CACNA1C: variants seen among roughly 807,000 people sequenced by gnomAD.
The protein encoded by CACNA1C is calcium voltage-gated channel subunit alpha1 C.
In CACNA1C, 30 loss-of-function variants were observed where a neutral mutation model predicts 229.0. That is an observed-to-expected ratio of 0.13 (90% CI 0.10 to 0.18). The LOEUF (loss-of-function observed/expected upper bound fraction) is 0.18. CACNA1C is among the 10% of genes least tolerant of loss of function. The pLI, the probability that CACNA1C is intolerant of heterozygous loss-of-function variation, is 1.00. For synonymous variants in CACNA1C, 1,114 were observed against 1,132.5 expected (o/e 0.98, Z 0.33); for missense variants, 1,658 against 2,845.0 (o/e 0.58, Z 9.49).
At chr12:1,998,078 G>A in intron 1 of CACNA1C, 1 of 943,702 alleles carries the variant, frequency 1.1e-6, no homozygotes, top group Non-Finnish European at 1.6e-6. Flanking sequence ...AACTTCAATG[G>A]GCCAAATATA....
At chr12:2,341,511 C>T (rs564653991) in intron 3 of CACNA1C, among the ~76,000 whole-genome samples, 34 of 152,184 alleles carry the variant, frequency 2.2e-4, no homozygotes, top group Non-Finnish European at 4.1e-4. Flanking sequence ...GCGGGCCCTG[C>T]GTTTCACACA....
intron 7 of CACNA1C, among the ~76,000 whole-genome samples, chr12:2,496,657 C>G (rs965662526): frequency 6.6e-6 from 1 of 152,156 alleles, no homozygotes; most frequent in African/African-American, 2.4e-5. Flanking sequence ...CAGACTTGGT[C>G]GAGTAATACT....
At chr12:2,636,217 C>T (rs2092643416) in intron 30 of CACNA1C, among the ~76,000 whole-genome samples, 1 of 152,180 alleles carries the variant, frequency 6.6e-6, no homozygotes, top group African/African-American at 2.4e-5. Context: ...CCGAGAGCCC[C>T]ACAGCAGGAA....
At chr12:2,002,891 C>T (rs1317663050) in intron 1 of CACNA1C, among the ~76,000 whole-genome samples, 1 of 152,022 alleles carries the variant, frequency 6.6e-6, no homozygotes, top group Non-Finnish European at 1.5e-5. Context: ...ACGAAGGTGA[C>T]ACCTCGAAAA....
intron 8 of CACNA1C, among the ~76,000 whole-genome samples, chr12:2,508,446 T>A (rs779392973): frequency 1.6e-4 from 25 of 152,206 alleles, no homozygotes; most frequent in Non-Finnish European, 2.6e-4. Context: ...AGCTAGGAGT[T>A]TGAGATCAGC....
intron 1 of CACNA1C, among the ~76,000 whole-genome samples, chr12:1,998,300 A>G (rs1252972771): frequency 1.3e-5 from 2 of 152,260 alleles, no homozygotes; most frequent in African/African-American, 4.8e-5. Context: ...ATTAGAAAGA[A>G]GAGTGCTGCC....
chr12:2,683,617 G>GC, intron 43 of CACNA1C, among the ~76,000 whole-genome samples: 1 of 152,238 alleles, frequency 6.6e-6, no homozygotes, highest in Non-Finnish European at 1.5e-5. Context: ...CTTGCGTGCA[G>GC]CCACTTGAAA....
intron 3 of CACNA1C, among the ~76,000 whole-genome samples, chr12:2,164,510 G>A (rs948242013): frequency 6.6e-6 from 1 of 152,226 alleles, no homozygotes; most frequent in African/African-American, 2.4e-5. Flanking sequence ...CCGAAGAGAT[G>A]CTCATTGCCT....
chr12:2,258,886 TAAA>T (rs1248832631), intron 3 of CACNA1C, among the ~76,000 whole-genome samples: 2 of 152,210 alleles, frequency 1.3e-5, no homozygotes, highest in Non-Finnish European at 2.9e-5. Flanking sequence ...AAATCTCCCT[TAAA>T]AAGTAATCCA....
chr12:2,477,330 A>T (rs905228927), intron 5 of CACNA1C, among the ~76,000 whole-genome samples: 9 of 152,218 alleles, frequency 5.9e-5, no homozygotes, highest in Admixed American at 2.6e-4. Context: ...CTAGTGAGTT[A>T]TAGTAAGAGG....
intron 45 of CACNA1C, among the ~76,000 whole-genome samples, chr12:2,686,789 G>A (rs1244860119): frequency 6.6e-6 from 1 of 152,176 alleles, no homozygotes; most frequent in Non-Finnish European, 1.5e-5. Flanking sequence ...AATGTCTCTT[G>A]GCATGGCTGA....
intron 3 of CACNA1C, among the ~76,000 whole-genome samples, chr12:2,318,790 G>A (rs1247985284): frequency 6.6e-6 from 1 of 151,816 alleles, no homozygotes; most frequent in Non-Finnish European, 1.5e-5. Context: ...TGGGAAATAG[G>A]GCAGGGAGAC....
chr12:2,679,312 G>T lies in CACNA1C; in HGVS notation c.5092-132G>T, dbSNP rs1307566001. 5 of 649,804 alleles carry T rather than the reference G, an allele frequency of 7.7e-6. No individual in the cohort carries two copies. Among genetic ancestry groups the T allele is most frequent in the Non-Finnish European group, 1.3e-5 (5 of 385,184 alleles). 40.3% of individuals were successfully genotyped at this position (649,804 alleles called of 1,614,324 possible). A position where few individuals can be genotyped will look rare whatever the true frequency, so the allele number is the denominator to read the frequency against. On this transcript the variant is annotated intron_variant, in intron 41 of 46. Transcript: ENST00000399655. This position sits in a 1 kb window ranked among gnomAD's most constrained non-coding sequence, Gnocchi z 5.5. ...TCAGGTGCTCCTGGCTCCCAGCAGG[G>T]CTGTGCCTACCCGAAAGAAGGCAGC...
rs7963694 is a variant in CACNA1C, at chr12:2,096,237, G to A, written c.50-18987G>A. ...AAGGTGAGTCTGGTTTTACTCAGTT[G>A]TGAAGGCATGTTTGTGCATGTGCAC... On this transcript the variant is annotated intron_variant, in intron 1 of 46. Transcript: ENST00000399655. 5.9e-3 allele frequency among the ~76,000 whole-genome samples: 901 copies of A among 152,358 alleles called. 10 individuals are homozygous for A. The highest frequency in any genetic ancestry group is 0.02 in the African/African-American group (845 of 41,592).
At chr12:2,182,380 C>A (rs918534278) in intron 3 of CACNA1C, among the ~76,000 whole-genome samples, 1 of 152,100 alleles carries the variant, frequency 6.6e-6, no homozygotes. Flanking sequence ...GCCCCTCTCC[C>A]AATGCCTTTC....
At chr12:2,069,685 T>G (rs1292769767) in intron 1 of CACNA1C, among the ~76,000 whole-genome samples, 2 of 152,370 alleles carry the variant, frequency 1.3e-5, no homozygotes, top group South Asian at 2.1e-4. Context: ...GTAACCTCAC[T>G]TATAATGACC....
intron 3 of CACNA1C, among the ~76,000 whole-genome samples, chr12:2,250,641 C>T (rs903095836): frequency 6.6e-6 from 1 of 152,214 alleles, no homozygotes; most frequent in African/African-American, 2.4e-5. Flanking sequence ...GGTCATCCAT[C>T]TCTAATCCAG....
rs558443922 is a variant in CACNA1C, at chr12:2,467,920, G to A, written c.757+10214G>A. Among the ~76,000 whole-genome samples, 16 of 152,332 alleles carry A rather than the reference G, an allele frequency of 1.1e-4. No individual in the cohort carries two copies. The South Asian group carries it at 1.5e-3, about 14-fold the overall frequency. On this transcript the variant is annotated intron_variant, in intron 5 of 46. Transcript: ENST00000399655. The surrounding 1 kb of genome is among the most constrained non-coding windows in gnomAD (Gnocchi z 4.6). The stretch of plus-strand genomic sequence containing the variant: ...GCCTCGGTTTCTCAATCTACAAAGA[G>A]TGAGTGATGGGGGTGCCATGGATAA...
intron 3 of CACNA1C, among the ~76,000 whole-genome samples, chr12:2,369,162 A>G (rs547919750): frequency 6.6e-6 from 1 of 152,358 alleles, no homozygotes; most frequent in South Asian, 2.1e-4. Context: ...AAAGTAGCAT[A>G]TACTGTGTAC....
Sources: allele counts gnomAD v4.1 joint callset (sites outside exome capture counted in the v4.1 genomes callset), GRCh38; gene constraint gnomAD v4.1.1; non-coding constraint Gnocchi (gnomAD v3.1); transcripts MANE v1.5; gene names NCBI Gene and HGNC (gene_info 2026-07-23, HGNC 2026-07-21).